STAG1: variants seen among roughly 807,000 people sequenced by gnomAD.
STAG1 encodes STAG1 cohesin complex component.
Under a neutral mutation model 170.9 loss-of-function variants are expected in STAG1, and 26 were observed. That is an observed-to-expected ratio of 0.15 (90% CI 0.11 to 0.21). STAG1 has a LOEUF of 0.21. Among genes scored for constraint, STAG1 ranks in the 10% least tolerant of loss-of-function variants. The pLI, the probability that STAG1 is intolerant of heterozygous loss-of-function variation, is 1.00. For synonymous variants in STAG1, 514 were observed against 497.7 expected, an observed-to-expected ratio of 1.03 and a Z score of -0.44; for missense variants, 964 against 1,509.5, an observed-to-expected ratio of 0.64 and a Z score of 5.99.
At chr3:136,701,404 G>A (rs763506999) in intron 1 of STAG1, among the ~76,000 whole-genome samples, 12 of 151,004 alleles carry the variant, frequency 7.9e-5, no homozygotes, top group African/African-American at 2.7e-4. Flanking sequence ...TCCCATCCTC[G>A]TGTGTGTGTG....
At chr3:136,451,175 A>AC (rs1213477758) in intron 14 of STAG1, among the ~76,000 whole-genome samples, 1 of 151,966 alleles carries the variant, frequency 6.6e-6, no homozygotes, top group Non-Finnish European at 1.5e-5. Flanking sequence ...ATATTAAAAA[A>AC]AAAAAAACCC....
chr3:136,661,994 G>T (rs1052809715), intron 1 of STAG1, among the ~76,000 whole-genome samples: 6 of 152,120 alleles, frequency 3.9e-5, no homozygotes. Flanking sequence ...CAAAGCAAAT[G>T]TAAGTAAATA....
At chr3:136,409,091 C>G (rs1439415422) in intron 21 of STAG1, among the ~76,000 whole-genome samples, 5 of 151,884 alleles carry the variant, frequency 3.3e-5, no homozygotes, top group Non-Finnish European at 5.9e-5. Flanking sequence ...ATGGTGAAAC[C>G]CTGTTTCTAT....
intron 6 of STAG1, among the ~76,000 whole-genome samples, chr3:136,523,434 T>G (rs747052681): frequency 1.2e-4 from 19 of 152,116 alleles, no homozygotes; most frequent in Non-Finnish European, 8.8e-5. Context: ...TCTTGTAAAT[T>G]TGTTTGAATT....
chr3:136,493,700 A>T (rs946294288), intron 9 of STAG1, among the ~76,000 whole-genome samples: 1 of 151,710 alleles, frequency 6.6e-6, no homozygotes, highest in Non-Finnish European at 1.5e-5. Flanking sequence ...ATATGGAAAC[A>T]TAAATCAAGG....
chr3:136,664,573 G>A (rs1051409897), intron 1 of STAG1, among the ~76,000 whole-genome samples: 1 of 152,038 alleles, frequency 6.6e-6, no homozygotes, highest in African/African-American at 2.4e-5. Flanking sequence ...TTTTTTAGAT[G>A]GTTATTCCCT....
chr3:136,345,014 T>C (rs985940307), intron 29 of STAG1, among the ~76,000 whole-genome samples: 4 of 152,170 alleles, frequency 2.6e-5, no homozygotes, highest in Non-Finnish European at 5.9e-5. Flanking sequence ...GTCATGTATA[T>C]AAATTATCTC....
At chr3:136,603,421 A>G (rs899306755) in intron 4 of STAG1, among the ~76,000 whole-genome samples, 1 of 66,216 alleles carries the variant, frequency 1.5e-5, no homozygotes, top group Non-Finnish European at 3.4e-5. Context: ...GCATTTTAAA[A>G]TGTTAAAAAT....
intron 13 of STAG1, among the ~76,000 whole-genome samples, chr3:136,453,425 A>C (rs2089004335): frequency 6.6e-6 from 1 of 151,956 alleles, no homozygotes; most frequent in Admixed American, 6.6e-5. Flanking sequence ...CCCCATCTCT[A>C]CTAAAAATAC....
At chr3:136,734,539 T>C (rs1934229792) in intron 1 of STAG1, among the ~76,000 whole-genome samples, 3 of 152,228 alleles carry the variant, frequency 2.0e-5, no homozygotes, top group Non-Finnish European at 2.9e-5. Flanking sequence ...TTCTGACCTA[T>C]GTTTGTCATT....
At position 136,521,298 on chromosome 3, in the gene STAG1, CTCA is replaced by C; in HGVS notation, c.588_590del (p.Asp196del). ...GGGAGATTACTGTGTCCATCATATACTCATCATAAATTATGCTATACTGACACT... is the reference window on the plus strand; with the variant it reads ...GGGAGATTACTGTGTCCATCATATACTCATAAATTATGCTATACTGACACT... On this transcript the variant is annotated inframe_deletion, in exon 7 of 34. Transcript: ENST00000383202. The C allele has an allele frequency of 6.2e-7, 1 of 1,613,774 alleles. No homozygotes were observed. Among genetic ancestry groups the C allele is most frequent in the Non-Finnish European group, 8.5e-7 (1 of 1,179,792 alleles).
At chr3:136,727,928 C>T (rs1042654885) in intron 1 of STAG1, among the ~76,000 whole-genome samples, 3 of 152,004 alleles carry the variant, frequency 2.0e-5, no homozygotes, top group African/African-American at 2.4e-5. Context: ...GAGGCTGAGA[C>T]GGGTAGATCA....
At chr3:136,528,595 GA>G (rs1204748119) in intron 6 of STAG1, among the ~76,000 whole-genome samples, 1 of 141,124 alleles carries the variant, frequency 7.1e-6, no homozygotes, top group Non-Finnish European at 1.5e-5. Context: ...AAACAATACA[GA>G]GGAGTCAGCA....
chr3:136,491,545 T>TTA (rs1163305316), intron 9 of STAG1, among the ~76,000 whole-genome samples: 1 of 152,214 alleles, frequency 6.6e-6, no homozygotes, highest in Non-Finnish European at 1.5e-5. Context: ...TATTTGCCAT[T>TTA]TATTTGTGGA....
intron 1 of STAG1, among the ~76,000 whole-genome samples, chr3:136,714,960 TA>T (rs1559967632): frequency 4.0e-4 from 28 of 69,884 alleles, no homozygotes; most frequent in African/African-American, 8.8e-4. Context: ...TATATATATA[TA>T]TATTTTATAT....
chr3:136,656,745 T>C (rs1186566785), intron 1 of STAG1, among the ~76,000 whole-genome samples: 1 of 151,870 alleles, frequency 6.6e-6, no homozygotes, highest in African/African-American at 2.4e-5. Context: ...AATTACTGCA[T>C]GCCATGAACT....
intron 1 of STAG1, among the ~76,000 whole-genome samples, chr3:136,632,051 A>G (rs531390899): frequency 5.3e-5 from 8 of 152,318 alleles, no homozygotes; most frequent in Non-Finnish European, 1.0e-4. Flanking sequence ...AAAGATCAGT[A>G]TCAGTCTTCC....
At chr3:136,428,487 C>T (rs1301270156) in intron 16 of STAG1, among the ~76,000 whole-genome samples, 2 of 152,168 alleles carry the variant, frequency 1.3e-5, no homozygotes, top group African/African-American at 4.8e-5. Flanking sequence ...GGTCTACTTG[C>T]TCCTAAACAC....
chr3:136,567,688 C>G (rs1275232504), intron 5 of STAG1, among the ~76,000 whole-genome samples: 1 of 152,168 alleles, frequency 6.6e-6, no homozygotes, highest in East Asian at 1.9e-4. Context: ...CACTTGCTAA[C>G]TGTATGATCT....
Sources: gnomAD v4.1 joint callset for allele counts (sites outside exome capture counted in the v4.1 genomes callset) on GRCh38, gnomAD v4.1.1 for gene constraint, MANE v1.5 for transcripts, NCBI Gene and HGNC (gene_info 2026-07-23, HGNC 2026-07-21) for gene names.